LRRK2: variants seen among roughly 807,000 people sequenced by gnomAD.
LRRK2 encodes the protein leucine rich repeat kinase 2.
A neutral mutation model predicts 302.6 loss-of-function variants in LRRK2; 203 were observed. The observed-to-expected ratio is 0.67, with a 90% CI of 0.60 to 0.75. The LOEUF (loss-of-function observed/expected upper bound fraction) is 0.75, where lower values mean the gene tolerates loss of function less well. Among genes scored for constraint, LRRK2 ranks in the 30% least tolerant of loss-of-function variants. The pLI, the probability that LRRK2 is intolerant of heterozygous loss-of-function variation, is 0.00. For missense variants in LRRK2, 2,830 were observed against 2,951.0 expected (o/e 0.96, Z 0.95); for synonymous variants, 1,066 against 1,031.9 (o/e 1.03, Z -0.63).
At chr12:40,298,638 G>C (rs1944472875) in intron 24 of LRRK2, 145 bp downstream of exon 24, 2 of 1,001,616 alleles carry the variant, frequency 2.0e-6, no homozygotes, top group Non-Finnish European at 3.0e-6. Context: ...CCAGCGTGGT[G>C]GTGCGCACCT....
At chr12:40,250,028 C>A in intron 8 of LRRK2, 83 bp downstream of exon 8, 1 of 1,522,650 alleles carries the variant, frequency 6.6e-7, no homozygotes, top group East Asian at 2.4e-5. Context: ...ATCATATGTA[C>A]AGATGGAAGC....
chr12:40,282,165 C>T (rs1329472934), intron 18 of LRRK2, among the ~76,000 whole-genome samples: 1 of 135,502 alleles, frequency 7.4e-6, no homozygotes, highest in East Asian at 2.4e-4. Context: ...TCTTCCCCTT[C>T]CCCTTCCTCT....
chr12:40,237,902 GTAAAAATTAACACAT>G, intron 4 of LRRK2, 52 bp from the exon 5 acceptor site: 1 of 1,509,956 alleles, frequency 6.6e-7, no homozygotes, highest in Admixed American at 1.7e-5. Flanking sequence ...ATTAATTCAT[GTAAAAATTAACACAT>G]TAAATGTTAA....
chr12:40,251,020 A>G (rs1395073436), intron 8 of LRRK2, among the ~76,000 whole-genome samples: 1 of 141,892 alleles, frequency 7.0e-6, no homozygotes, highest in African/African-American at 2.6e-5. Context: ...TTTTTTTGGT[A>G]CCTTCTTCCT....
At chr12:40,259,334 T>C in intron 12 of LRRK2, 146 bp from the exon 13 acceptor site, 2 of 915,916 alleles carry the variant, frequency 2.2e-6, no homozygotes, top group Non-Finnish European at 3.4e-6. Flanking sequence ...TTATGTATGC[T>C]CATACTACTG....
At chr12:40,297,411 G>A (rs1306157662) in intron 23 of LRRK2, among the ~76,000 whole-genome samples, 1 of 152,096 alleles carries the variant, frequency 6.6e-6, no homozygotes, top group Non-Finnish European at 1.5e-5. Context: ...TCTCATCTAT[G>A]TTCCTTTTAT....
At chr12:40,269,609 C>T (rs528553019) in intron 14 of LRRK2, among the ~76,000 whole-genome samples, 1 of 152,210 alleles carries the variant, frequency 6.6e-6, no homozygotes, top group East Asian at 1.9e-4. Flanking sequence ...TTAATTTAAT[C>T]TTTCCTGACA....
In LRRK2 at chr12:40,298,297, CCTT is replaced by C. The variant is rs753067556; in HGVS notation, c.3155_3157del (p.Ser1052del). 2 of 1,613,348 alleles carry C rather than the reference CCTT, an allele frequency of 1.2e-6. No individual in the cohort carries two copies. The highest frequency in any genetic ancestry group is 8.5e-7 in the Non-Finnish European group (1 of 1,179,490). On this transcript the variant is annotated inframe_deletion, in exon 24 of 51. Coordinates refer to ENST00000298910, the MANE Select transcript of LRRK2 (RefSeq NM_198578.4). ...GCACAGTAATAAATTTACATCATTTCCTTCTTATTTGTTGAAAATGAGTTGTAT... is the reference window on the plus strand; with the variant it reads ...GCACAGTAATAAATTTACATCATTTCCTTATTTGTTGAAAATGAGTTGTAT...
chr12:40,271,212 C>T (rs1406745596), intron 14 of LRRK2, among the ~76,000 whole-genome samples: 1 of 152,120 alleles, frequency 6.6e-6, no homozygotes, highest in Non-Finnish European at 1.5e-5. Context: ...TATCACCATG[C>T]CATTACTCAT....
intron 6 of LRRK2, among the ~76,000 whole-genome samples, chr12:40,241,075 G>T (rs1667196169): frequency 6.6e-6 from 1 of 152,234 alleles, no homozygotes; most frequent in South Asian, 2.1e-4. Context: ...ATGTAAAGAT[G>T]CTGGAGCAAG....
intron 35 of LRRK2, among the ~76,000 whole-genome samples, 163 bp downstream of exon 35, chr12:40,321,351 A>G (rs1945394824): frequency 6.6e-6 from 1 of 151,946 alleles, no homozygotes; most frequent in Non-Finnish European, 1.5e-5. Flanking sequence ...AGCTCATAAA[A>G]CCTTGGAGTA....
chr12:40,328,056 T>C (rs1945603385), intron 38 of LRRK2, among the ~76,000 whole-genome samples: 1 of 151,936 alleles, frequency 6.6e-6, no homozygotes, highest in Non-Finnish European at 1.5e-5. Context: ...ACTTAGGAGG[T>C]GGCTATAAGT....
intron 28 of LRRK2, among the ~76,000 whole-genome samples, chr12:40,307,983 T>C (rs1944889154): frequency 6.6e-6 from 1 of 151,984 alleles, no homozygotes; most frequent in South Asian, 2.1e-4. Context: ...GGTTTCACTA[T>C]ATTGGCCAGG....
intron 6 of LRRK2, 94 bp from the exon 7 acceptor site, chr12:40,243,456 C>T: frequency 7.3e-7 from 1 of 1,366,852 alleles, no homozygotes; most frequent in South Asian, 1.2e-5. Context: ...ATTATGCTGC[C>T]ATCTATTTAC....
intron 44 of LRRK2, among the ~76,000 whole-genome samples, chr12:40,352,678 G>A (rs1221956798): frequency 2.7e-5 from 4 of 148,842 alleles, no homozygotes; most frequent in Non-Finnish European, 6.0e-5. Flanking sequence ...CGAGCATGCT[G>A]CCTTCAAGCA....
chr12:40,232,222 G>A (rs888012136), intron 2 of LRRK2, 52 bp from the exon 3 acceptor site: 10 of 1,240,900 alleles, frequency 8.1e-6, no homozygotes, highest in Non-Finnish European at 1.1e-5. Flanking sequence ...GACTGAGTAT[G>A]CTCTATTAAC....
chr12:40,281,517 G>A (rs148758942), intron 18 of LRRK2, among the ~76,000 whole-genome samples: 8 of 152,282 alleles, frequency 5.3e-5, no homozygotes, highest in African/African-American at 1.9e-4. Context: ...ATAATCTTTA[G>A]TTATATTCTT....
In LRRK2 at chr12:40,225,072, G is replaced by C; in HGVS notation, c.-60G>C. 1.9e-6 allele frequency: 3 copies of C among 1,607,840 alleles called. No homozygotes were observed. The highest frequency in any genetic ancestry group is 2.5e-6 in the Non-Finnish European group (3 of 1,177,710). The stretch of plus-strand genomic sequence containing the variant: ...GGGAGCTGTGGCCGGCGCCCCTGCC[G>C]GTTCCCTGAGCAGCGGACGTTCATG... On this transcript the variant is annotated 5_prime_UTR_variant, in exon 1 of 51. Coordinates refer to ENST00000298910, the MANE Select transcript of LRRK2 (RefSeq NM_198578.4).
At chr12:40,349,298 T>C (rs1264641135) in intron 43 of LRRK2, among the ~76,000 whole-genome samples, 1 of 152,194 alleles carries the variant, frequency 6.6e-6, no homozygotes, top group Non-Finnish European at 1.5e-5. Flanking sequence ...CCTGTCTTAA[T>C]TCCTGTAGCT....
Sources: gnomAD v4.1 joint callset for allele counts (sites outside exome capture counted in the v4.1 genomes callset) on GRCh38, gnomAD v4.1.1 for gene constraint, MANE v1.5 for transcripts, NCBI Gene and HGNC (gene_info 2026-07-23, HGNC 2026-07-21) for gene names.